TSPAN9: variants seen among roughly 807,000 people sequenced by gnomAD.
TSPAN9 encodes tetraspanin 9, also known as tetraspanin-9.
TSPAN9 carries 16 observed loss-of-function variants against 31.0 expected under a neutral mutation model. The ratio of observed to expected loss-of-function variants is 0.52; its 90% CI spans 0.35 to 0.78. The LOEUF is 0.78. Among genes scored for constraint, TSPAN9 ranks in the 30% least tolerant of loss-of-function variants. TSPAN9 has a pLI of 0.01. For missense variants in TSPAN9, 272 were observed against 312.5 expected, an observed-to-expected ratio of 0.87 and a Z score of 0.98; for synonymous variants, 145 against 121.6, an observed-to-expected ratio of 1.19 and a Z score of -1.27.
chr12:3,252,987 C>T (rs967909887), intron 3 of TSPAN9, among the ~76,000 whole-genome samples: 3 of 152,154 alleles, frequency 2.0e-5, no homozygotes, highest in Non-Finnish European at 4.4e-5. Flanking sequence ...GTCATGCCCT[C>T]CCACTGAACT....
chr12:3,215,723 G>T (rs1043295134), intron 3 of TSPAN9, among the ~76,000 whole-genome samples: 1 of 152,190 alleles, frequency 6.6e-6, no homozygotes, highest in Non-Finnish European at 1.5e-5. Flanking sequence ...GGGGGTGGGA[G>T]GGGCCCCTCA....
chr12:3,269,599 T>A (rs1371181160), intron 3 of TSPAN9, among the ~76,000 whole-genome samples: 1 of 146,058 alleles, frequency 6.8e-6, no homozygotes, highest in Non-Finnish European at 1.5e-5. Flanking sequence ...CAGCCTGCCC[T>A]CTGTGTTCCT....
At chr12:3,275,916 G>C (rs554139142) in intron 3 of TSPAN9, among the ~76,000 whole-genome samples, 1 of 152,314 alleles carries the variant, frequency 6.6e-6, no homozygotes, top group Non-Finnish European at 1.5e-5. Flanking sequence ...CACCTTTCTG[G>C]TTCCCCATTT....
At chr12:3,081,901 G>A (rs1354029453) in intron 1 of TSPAN9, among the ~76,000 whole-genome samples, 1 of 149,700 alleles carries the variant, frequency 6.7e-6, no homozygotes. Context: ...CCAGCTGGAG[G>A]TGGAAGGATC....
intron 2 of TSPAN9, among the ~76,000 whole-genome samples, chr12:3,182,535 T>C (rs562502418): frequency 6.6e-6 from 1 of 151,928 alleles, no homozygotes; most frequent in East Asian, 1.9e-4. Flanking sequence ...CGTCTGCCCA[T>C]TCATTCATTC....
chr12:3,278,486 CT>C lies in TSPAN9; in HGVS notation c.131del (p.Phe44SerfsTer17). 1 of 1,614,226 alleles carries C rather than the reference CT, an allele frequency of 6.2e-7. No individual in the cohort carries two copies. The highest frequency in any genetic ancestry group is 8.5e-7 in the Non-Finnish European group (1 of 1,180,026). ...LSVSQGNFATFSPSFPSLSAA... is the reference protein window; with the variant it reads ...LSVSQGNFATXSPSFPSLSAA... ...CCGTGTCCCAAGGCAACTTTGCCAC[CT>C]TCTCCCCCAGCTTCCCTTCGTTGTC... is the stretch of plus-strand genomic sequence containing the variant. On this transcript the variant is annotated frameshift_variant, in exon 4 of 9. Transcript: ENST00000011898. LOFTEE classifies it high-confidence loss of function.
intron 3 of TSPAN9, among the ~76,000 whole-genome samples, chr12:3,207,371 C>A (rs548742757): frequency 6.6e-6 from 1 of 152,258 alleles, no homozygotes; most frequent in South Asian, 2.1e-4. Flanking sequence ...GAGCTAAACC[C>A]ATCGGGCAGA....
rs1292310444 is a variant in TSPAN9 at position 3,107,689 on chromosome 12, T to C, written c.-18+23970T>C. ...TAGGTCACGCCCAGAGACAGCCTTTTGCTTCAGTGTCCTCATTCTTCAGGC... is the reference window on the plus strand; with the variant it reads ...TAGGTCACGCCCAGAGACAGCCTTTCGCTTCAGTGTCCTCATTCTTCAGGC... On this transcript the variant is annotated intron_variant, in intron 2 of 8. Coordinates refer to ENST00000011898, the MANE Select transcript of TSPAN9 (RefSeq NM_006675.5). This position sits in a 1 kb window ranked among gnomAD's most constrained non-coding sequence, Gnocchi z 4.1. Among the ~76,000 whole-genome samples the C allele has an allele frequency of 6.6e-6, 1 of 152,258 alleles. No individual in the cohort carries two copies. Among genetic ancestry groups the C allele is most frequent in the African/African-American group, 2.4e-5 (1 of 41,464 alleles).
chr12:3,230,105 A>C (rs2098389874), intron 3 of TSPAN9, among the ~76,000 whole-genome samples: 1 of 152,142 alleles, frequency 6.6e-6, no homozygotes, highest in Admixed American at 6.5e-5. Context: ...ACGAAGCAGA[A>C]AACCTACTAG....
intron 2 of TSPAN9, among the ~76,000 whole-genome samples, chr12:3,188,390 G>A (rs1302970931): frequency 1.3e-5 from 2 of 152,324 alleles, no homozygotes; most frequent in East Asian, 3.9e-4. Flanking sequence ...GCAGGAAGCA[G>A]ACAGAGCGGC....
chr12:3,221,687 A>G (rs1305290269), intron 3 of TSPAN9, among the ~76,000 whole-genome samples: 2 of 149,036 alleles, frequency 1.3e-5, no homozygotes, highest in Non-Finnish European at 3.0e-5. Flanking sequence ...ATAGGGTCTC[A>G]CTCTGTCACC....
chr12:3,273,955 G>A (rs1304724412), intron 3 of TSPAN9, among the ~76,000 whole-genome samples: 1 of 152,206 alleles, frequency 6.6e-6, no homozygotes, highest in East Asian at 1.9e-4. Flanking sequence ...CCCCACCGCT[G>A]GAGGGAACAC....
rs772286240 is a variant in TSPAN9 at position 3,107,953 on chromosome 12, A to G, written c.-18+24234A>G. On this transcript the variant is annotated intron_variant, in intron 2 of 8. Coordinates refer to ENST00000011898, the MANE Select transcript of TSPAN9 (RefSeq NM_006675.5). The surrounding 1 kb of genome is among the most constrained non-coding windows in gnomAD (Gnocchi z 4.1). ...TTTATACTTTCAACTCTATTCCTAAACCCAGTAAGAAACTCCCCAAAACCT... is the reference window on the plus strand; with the variant it reads ...TTTATACTTTCAACTCTATTCCTAAGCCCAGTAAGAAACTCCCCAAAACCT... Among the ~76,000 whole-genome samples the G allele has an allele frequency of 2.6e-5, 4 of 151,946 alleles. No homozygotes were observed. Among genetic ancestry groups the G allele is most frequent in the Admixed American group, 6.6e-5 (1 of 15,244 alleles).
rs1861348164 is a variant in TSPAN9 at position 3,172,520 on chromosome 12, TC to T, written c.-17-28654del. On this transcript the variant is annotated intron_variant, in intron 2 of 8. Transcript: ENST00000011898. The surrounding 1 kb of genome is among the most constrained non-coding windows in gnomAD (Gnocchi z 4.8). ...GGGAACTTAAACGCCGCTTGCTGAG[TC>T]CCACCCTAGCGCATAGAATCATAAC... is the stretch of plus-strand genomic sequence containing the variant. 6.6e-6 allele frequency: 1 copy of T among 152,170 alleles called. No individual in the cohort carries two copies. The highest frequency in any genetic ancestry group is 1.5e-5 in the Non-Finnish European group (1 of 68,038). The allele number at this position is 152,170 out of a possible 1,614,324, so 9.4% of individuals were successfully genotyped here. A position where few individuals can be genotyped will look rare whatever the true frequency, so the allele number is the denominator to read the frequency against.
At chr12:3,184,451 GAGAA>G (rs764488403) in intron 2 of TSPAN9, among the ~76,000 whole-genome samples, 38 of 151,870 alleles carry the variant, frequency 2.5e-4, no homozygotes, top group African/African-American at 8.5e-4. Flanking sequence ...AAGAGAGAAA[GAGAA>G]AGAGAAAAAA....
intron 2 of TSPAN9, among the ~76,000 whole-genome samples, chr12:3,108,539 G>A (rs141719601): frequency 4.6e-5 from 7 of 152,286 alleles, no homozygotes; most frequent in African/African-American, 1.7e-4. Flanking sequence ...ACGTGATTTA[G>A]TGTGGCTCGA....
chr12:3,150,218 CT>C (rs1173320520), intron 2 of TSPAN9, among the ~76,000 whole-genome samples: 1 of 152,244 alleles, frequency 6.6e-6, no homozygotes, highest in Non-Finnish European at 1.5e-5. Context: ...GTTTCCGCCC[CT>C]CTGCCAGTTA....
At position 3,192,358 on chromosome 12, in the gene TSPAN9, C is replaced by T. The variant is rs1166545186; in HGVS notation, c.-17-8819C>T. On this transcript the variant is annotated intron_variant, in intron 2 of 8. Transcript: ENST00000011898. This position sits in a 1 kb window ranked among gnomAD's most constrained non-coding sequence, Gnocchi z 4.6. ...GGGAATGGAAGGCTGCAGGGGCTGC[C>T]GCAGGACCCCAGGCGAGCCATGAAG... Among the ~76,000 whole-genome samples the T allele has an allele frequency of 2.6e-5, 4 of 151,886 alleles. No homozygotes were observed. Among genetic ancestry groups the T allele is most frequent in the Admixed American group, 1.3e-4 (2 of 15,244 alleles).
At chr12:3,221,086 G>A (rs1343213326) in intron 3 of TSPAN9, among the ~76,000 whole-genome samples, 1 of 152,118 alleles carries the variant, frequency 6.6e-6, no homozygotes, top group Non-Finnish European at 1.5e-5. Context: ...CACAGGGACC[G>A]GGAGACTGGG....
Sources: allele counts gnomAD v4.1 joint callset (sites outside exome capture counted in the v4.1 genomes callset), GRCh38; gene constraint gnomAD v4.1.1; non-coding constraint Gnocchi (gnomAD v3.1); transcripts MANE v1.5; gene names NCBI Gene and HGNC (gene_info 2026-07-23, HGNC 2026-07-21).